The following ACSL3 variants were observed in gnomAD, a reference collection of about 807,000 sequenced individuals.
The protein encoded by ACSL3 is fatty acid CoA ligase Acsl3.
ACSL3 carries 34 observed loss-of-function variants against 84.7 expected under a neutral mutation model. That is an observed-to-expected ratio of 0.40 (90% CI 0.31 to 0.53). ACSL3 has a LOEUF of 0.53. ACSL3 is among the 20% of genes least tolerant of loss of function. The pLI, the probability that ACSL3 is intolerant of heterozygous loss-of-function variation, is 0.48. For missense variants in ACSL3, 680 were observed against 873.1 expected (o/e 0.78, Z 2.79); for synonymous variants, 315 against 299.4 (o/e 1.05, Z -0.54).
At chr2:222,921,620 A>G (rs980859415) in intron 8 of ACSL3, among the ~76,000 whole-genome samples, 190 bp downstream of exon 8, 4 of 152,098 alleles carry the variant, frequency 2.6e-5, no homozygotes, top group African/African-American at 7.2e-5. Flanking sequence ...GGTTGAAAAT[A>G]TATCATATAG....
intron 10 of ACSL3, among the ~76,000 whole-genome samples, 154 bp from the exon 11 acceptor site, chr2:222,924,302 A>G (rs1298995340): frequency 6.6e-6 from 1 of 152,230 alleles, no homozygotes; most frequent in East Asian, 1.9e-4. Context: ...AAAATTCACA[A>G]AAGGTTTTTT....
intron 11 of ACSL3, among the ~76,000 whole-genome samples, chr2:222,925,810 T>C (rs559987823): frequency 1.3e-5 from 2 of 152,278 alleles, no homozygotes; most frequent in East Asian, 3.9e-4. Flanking sequence ...GTTTTGTATT[T>C]AAAGCTTTAA....
Position 222,933,205 on chromosome 2 carries a change from A to C in ACSL3, c.1772A>C (p.Tyr591Ser). The C allele has an allele frequency of 6.2e-7, 1 of 1,613,978 alleles. No homozygotes were observed. Among genetic ancestry groups the C allele is most frequent in the Non-Finnish European group, 8.5e-7 (1 of 1,179,962 alleles). Reference sequence around the variant, plus strand: ...CTTGTAAAACTACAGGCAGGGGAATATGTTTCTCTTGGGAAAGTAGAGGCA... The same window carrying C: ...CTTGTAAAACTACAGGCAGGGGAATCTGTTTCTCTTGGGAAAGTAGAGGCA... ...KDLVKLQAGEYVSLGKVEAAL... is the reference protein window; with the variant it reads ...KDLVKLQAGESVSLGKVEAAL... Residue 591 changes from tyrosine (Y) to serine (S), a missense_variant, in exon 15 of 17, where the codon TAT (tyrosine) becomes TCT (serine). Around this residue, in one of 2 missense-constraint regions of ACSL3, gnomAD observed 347 missense variants for 525.7 expected, o/e 0.66. Coordinates refer to ENST00000357430, the MANE Select transcript of ACSL3 (RefSeq NM_004457.5).
At chr2:222,872,935 A>G (rs1156558369) in intron 1 of ACSL3, among the ~76,000 whole-genome samples, 1 of 152,160 alleles carries the variant, frequency 6.6e-6, no homozygotes. Flanking sequence ...GCTGGATGCA[A>G]AAATAAATGG....
At chr2:222,940,864 A>T (rs1302698476) in intron 16 of ACSL3, among the ~76,000 whole-genome samples, 1 of 152,002 alleles carries the variant, frequency 6.6e-6, no homozygotes, top group African/African-American at 2.4e-5. Flanking sequence ...ATGCGTGACT[A>T]TATTGGATAC....
intron 14 of ACSL3, among the ~76,000 whole-genome samples, chr2:222,931,628 A>G (rs570253584): frequency 2.0e-5 from 3 of 152,054 alleles, no homozygotes; most frequent in East Asian, 3.9e-4. Context: ...CCCTCTCCCA[A>G]TAATTTCTCT....
chr2:222,934,815 G>A, intron 16 of ACSL3, 128 bp downstream of exon 16: 1 of 996,830 alleles, frequency 1.0e-6, no homozygotes, highest in Admixed American at 3.5e-5. Context: ...TTAGTATATG[G>A]AAGAGTAAAC....
chr2:222,927,723 G>A (rs2053888396), intron 12 of ACSL3, among the ~76,000 whole-genome samples: 1 of 152,132 alleles, frequency 6.6e-6, no homozygotes, highest in Admixed American at 6.5e-5. Flanking sequence ...ATCGCATAGG[G>A]CCTCATGCGT....
intron 11 of ACSL3, among the ~76,000 whole-genome samples, chr2:222,925,531 T>G (rs1187241833): frequency 2.6e-5 from 4 of 151,624 alleles, no homozygotes; most frequent in African/African-American, 9.7e-5. Context: ...GTGGGAGGAT[T>G]ATTTGGGCCT....
At chr2:222,901,966 A>C (rs1696165267) in intron 3 of ACSL3, among the ~76,000 whole-genome samples, 1 of 149,990 alleles carries the variant, frequency 6.7e-6, no homozygotes, top group Admixed American at 6.6e-5. Flanking sequence ...AAAAAAAAAG[A>C]ACTCAAATAT....
chr2:222,890,838 T>C (rs1695829579), intron 2 of ACSL3, among the ~76,000 whole-genome samples: 1 of 152,178 alleles, frequency 6.6e-6, no homozygotes, highest in Admixed American at 6.5e-5. Flanking sequence ...AGACGGGGTT[T>C]CTCCATGTTG....
At chr2:222,890,174 A>G (rs1459719627) in intron 2 of ACSL3, among the ~76,000 whole-genome samples, 2 of 152,154 alleles carry the variant, frequency 1.3e-5, no homozygotes, top group East Asian at 3.8e-4. Flanking sequence ...AGTTCTAATT[A>G]TATGTTATTT....
Position 222,908,993 on chromosome 2 carries a change from T to G in ACSL3, c.221T>G (p.Leu74Trp). The change falls in exon 4 of 17, where the codon TTG becomes TGG. Residue 74 changes from leucine (L) to tryptophan (W), a missense_variant. Transcript: ENST00000357430. ...PDSAYRSVNS[L>W]DGLASVLYPG... Reference sequence around the variant, plus strand: ...TCTGCATACAGATCTGTTAATAGTTTGGATGGTTTGGCTTCAGTATTATAC... The same window carrying G: ...TCTGCATACAGATCTGTTAATAGTTGGGATGGTTTGGCTTCAGTATTATAC... The G allele has an allele frequency of 1.9e-6, 3 of 1,613,864 alleles. No homozygotes were observed. Among genetic ancestry groups the G allele is most frequent in the Non-Finnish European group, 2.5e-6 (3 of 1,179,928 alleles).
At chr2:222,873,385 G>A (rs1228777436) in intron 1 of ACSL3, among the ~76,000 whole-genome samples, 1 of 152,092 alleles carries the variant, frequency 6.6e-6, no homozygotes, top group African/African-American at 2.4e-5. Flanking sequence ...TCTTCTCTAA[G>A]TTTACTATTC....
At position 222,909,121 on chromosome 2, in the gene ACSL3, G is replaced by T; in HGVS notation, c.349G>T (p.Val117Leu). The change falls in exon 4 of 17, where the codon GTA becomes TTA. Residue 117 changes from valine (V) to leucine (L), a missense_variant. By Grantham distance (32) the Val-to-Leu change is conservative. Transcript: ENST00000357430. ...TREVLNEEDEVQPNGKIFKKV... is the reference protein window; with the variant it reads ...TREVLNEEDELQPNGKIFKKV... The stretch of plus-strand genomic sequence containing the variant: ...TGAAGTTTTAAATGAGGAAGATGAA[G>T]TACAACCAAATGGAAAAATTTTTAA... 6.3e-7 allele frequency: 1 copy of T among 1,596,118 alleles called. No individual in the cohort carries two copies. The highest frequency in any genetic ancestry group is 8.5e-7 in the Non-Finnish European group (1 of 1,176,062).
At chr2:222,922,638 T>C (rs1696771227) in intron 8 of ACSL3, 70 bp from the exon 9 acceptor site, 5 of 1,594,472 alleles carry the variant, frequency 3.1e-6, no homozygotes, top group South Asian at 2.3e-5. Flanking sequence ...TCAAGCTTGC[T>C]CCCATTATAG....
rs1697383364 is a variant in ACSL3, at chr2:222,943,592, C to CT, written c.*1939dup. On this transcript the variant is annotated 3_prime_UTR_variant, in exon 17 of 17. Coordinates refer to ENST00000357430, the MANE Select transcript of ACSL3 (RefSeq NM_004457.5). ...CCATCTAATGAGGCAGGCTTAAACT[C>CT]TATTTAGTTTCGTTTGTTTTCTCAT... 6.5e-6 allele frequency: 1 copy of CT among 154,174 alleles called. No individual in the cohort carries two copies. Among genetic ancestry groups the CT allele is most frequent in the Non-Finnish European group, 1.4e-5 (1 of 69,276 alleles). 9.6% of individuals were successfully genotyped at this position (154,174 alleles called of 1,614,324 possible). A position where few individuals can be genotyped will look rare whatever the true frequency, so the allele number is the denominator to read the frequency against.
chr2:222,877,589 G>C (rs1472577002), intron 1 of ACSL3, among the ~76,000 whole-genome samples: 2 of 152,220 alleles, frequency 1.3e-5, no homozygotes, highest in Non-Finnish European at 2.9e-5. Context: ...GTTCAGAAAT[G>C]ATTTTGTAGG....
chr2:222,914,259 G>A lies in ACSL3; in HGVS notation c.379-2060G>A, dbSNP rs186914447. Among the ~76,000 whole-genome samples, 538 of 149,332 alleles carry A rather than the reference G, an allele frequency of 3.6e-3. 15 individuals carry two copies. In the East Asian group the frequency reaches 0.038, roughly 10 times the overall value. ...CGTGTGTGTGTGTGTGTGTGTGTGT[G>A]TGTGTGTGTGTGTGTGTGTATTTTG... is the stretch of plus-strand genomic sequence containing the variant. On this transcript the variant is annotated intron_variant, in intron 4 of 16. Coordinates refer to ENST00000357430, the MANE Select transcript of ACSL3 (RefSeq NM_004457.5).
Sources: gnomAD v4.1 joint callset for allele counts (sites outside exome capture counted in the v4.1 genomes callset) on GRCh38, gnomAD v4.1.1 for gene constraint, gnomAD v4.1.1 regional missense constraint, MANE v1.5 for transcripts, NCBI Gene and HGNC (gene_info 2026-07-23, HGNC 2026-07-21) for gene names.